Variants in ZPBP observed in about 807,000 individuals in gnomAD.
ZPBP encodes the protein zona pellucida-binding protein 1.
In ZPBP, 26 loss-of-function variants were observed where a neutral mutation model predicts 44.8. The observed-to-expected ratio is 0.58, with a 90% CI of 0.43 to 0.81. The LOEUF (loss-of-function observed/expected upper bound fraction) is 0.81. Among genes scored for constraint, ZPBP ranks in the 30% least tolerant of loss-of-function variants. The probability of loss-of-function intolerance (pLI) is 0.00; values close to 1 mark genes in which losing one functional copy is unlikely to be tolerated. For missense variants in ZPBP, 409 were observed against 434.0 expected (o/e 0.94, Z 0.51); for synonymous variants, 174 against 153.2 (o/e 1.14, Z -1.00).
intron 6 of ZPBP, among the ~76,000 whole-genome samples, chr7:49,991,722 C>A (rs1277440905): frequency 6.6e-6 from 1 of 151,720 alleles, no homozygotes; most frequent in Non-Finnish European, 1.5e-5. Flanking sequence ...ATATTTCTCA[C>A]TGAAAAAAGC....
chr7:50,051,256 T>A (rs559167574), intron 4 of ZPBP, among the ~76,000 whole-genome samples: 1 of 152,274 alleles, frequency 6.6e-6, no homozygotes, highest in African/African-American at 2.4e-5. Context: ...CCAGTCAGAA[T>A]GGCAATTATT....
At chr7:50,050,040 A>C (rs1211342205) in intron 4 of ZPBP, among the ~76,000 whole-genome samples, 2 of 151,960 alleles carry the variant, frequency 1.3e-5, no homozygotes, top group Non-Finnish European at 2.9e-5. Context: ...ATTCTAAAAA[A>C]TCAAAATAAC....
At chr7:49,979,706 T>C (rs894253951) in intron 7 of ZPBP, among the ~76,000 whole-genome samples, 32 of 149,624 alleles carry the variant, frequency 2.1e-4, no homozygotes, top group African/African-American at 7.3e-4. Context: ...ACAATTTTAG[T>C]TTAAGTCTTC....
downstream of ZPBP, among the ~76,000 whole-genome samples, chr7:49,848,667 GTTTC>G (rs1562729523): frequency 1.3e-5 from 2 of 152,162 alleles, no homozygotes; most frequent in African/African-American, 4.8e-5. Context: ...ATTGACTGTC[GTTTC>G]TCACCTCCTC....
At chr7:50,026,702 T>G (rs1429878763) in intron 5 of ZPBP, among the ~76,000 whole-genome samples, 1 of 151,772 alleles carries the variant, frequency 6.6e-6, no homozygotes, top group African/African-American at 2.4e-5. Context: ...TCCCTAAATT[T>G]CTATGGCTAC....
intron 1 of ZPBP, chr7:49,920,661 T>C (rs752338945): frequency 6.6e-6 from 1 of 152,224 alleles, no homozygotes; most frequent in African/African-American, 2.4e-5. Context: ...TATTTGCACA[T>C]AGCTATAAAT....
chr7:49,892,185 C>T (rs571762761), intron 2 of ZPBP, among the ~76,000 whole-genome samples: 1 of 151,338 alleles, frequency 6.6e-6, no homozygotes, highest in South Asian at 2.1e-4. Context: ...GCTGGGACTA[C>T]AGGCGCCCAC....
chr7:50,043,405 C>T (rs2128819273), intron 4 of ZPBP, among the ~76,000 whole-genome samples: 1 of 152,242 alleles, frequency 6.6e-6, no homozygotes, highest in African/African-American at 2.4e-5. Flanking sequence ...TCTCGACACC[C>T]ATTGGTGTGC....
chr7:49,970,856 TAATAAATAAATA>T (rs148724446), intron 7 of ZPBP, among the ~76,000 whole-genome samples: 6,285 of 142,550 alleles, frequency 0.044, 271 homozygotes, highest in African/African-American at 0.12. Context: ...CTCTACAAAA[TAATAAATAAATA>T]AATAAATAAA....
chr7:50,002,191 A>C (rs1798129334), intron 6 of ZPBP, among the ~76,000 whole-genome samples: 1 of 152,162 alleles, frequency 6.6e-6, no homozygotes, highest in Non-Finnish European at 1.5e-5. Flanking sequence ...TGAGGAGCCA[A>C]ATTACGTCTT....
chr7:49,864,063 G>T (rs1406383560), intron 2 of ZPBP, among the ~76,000 whole-genome samples: 1 of 151,914 alleles, frequency 6.6e-6, no homozygotes, highest in East Asian at 1.9e-4. Flanking sequence ...TCTTCCAGAG[G>T]TCTCCTGTTT....
chr7:50,031,933 G>A (rs1176813936), intron 4 of ZPBP, among the ~76,000 whole-genome samples: 2 of 151,916 alleles, frequency 1.3e-5, no homozygotes, highest in Non-Finnish European at 2.9e-5. Context: ...AATACCAAAA[G>A]TCAGAAAAGT....
rs371038494 is a variant in ZPBP, at chr7:50,075,017, G to T, written c.334+6757C>A. ...ATTCTCAAGGATAGACCATATATTAGGTCACAAAACAAGCCTTAAAACACT... is the reference window on the plus strand; with the variant it reads ...ATTCTCAAGGATAGACCATATATTATGTCACAAAACAAGCCTTAAAACACT... On this transcript the variant is annotated intron_variant, in intron 3 of 7. Transcript: ENST00000046087. Among the ~76,000 whole-genome samples, 21 of 151,590 alleles carry T rather than the reference G, an allele frequency of 1.4e-4. No homozygotes were observed. The East Asian group carries it at 2.1e-3, about 15-fold the overall frequency.
chr7:49,865,208 G>A (rs1429087776), intron 2 of ZPBP, among the ~76,000 whole-genome samples: 6 of 152,170 alleles, frequency 3.9e-5, no homozygotes, highest in Admixed American at 3.9e-4. Context: ...TTGTTTGTGT[G>A]GTCCGTGGGG....
At chr7:50,027,123 G>A (rs2128809816) in intron 5 of ZPBP, among the ~76,000 whole-genome samples, 1 of 124,168 alleles carries the variant, frequency 8.1e-6, no homozygotes, top group African/African-American at 3.1e-5. Flanking sequence ...GAATATGTAA[G>A]ACCCTATTGT....
In ZPBP at chr7:49,961,646, T is replaced by C. The variant is rs1036950388; in HGVS notation, c.961+21696A>G. On this transcript the variant is annotated intron_variant, in intron 7 of 7. Coordinates refer to ENST00000046087, the MANE Select transcript of ZPBP (RefSeq NM_007009.3). ...GTTGTAGAAGTTACTTAAGGCAAAATATCATTTATTTTGTGGTTATCATGC... is the reference window on the plus strand; with the variant it reads ...GTTGTAGAAGTTACTTAAGGCAAAACATCATTTATTTTGTGGTTATCATGC... Among the ~76,000 whole-genome samples, 4 of 152,204 alleles carry C rather than the reference T, an allele frequency of 2.6e-5. No homozygotes were observed. In the East Asian group the frequency reaches 7.7e-4, roughly 29 times the overall value.
intron 2 of ZPBP, among the ~76,000 whole-genome samples, chr7:49,881,257 T>C (rs1344968605): frequency 1.3e-5 from 2 of 152,272 alleles, no homozygotes; most frequent in East Asian, 3.9e-4. Flanking sequence ...CCAGTTCTTT[T>C]GTTCCATTTG....
intron 3 of ZPBP, among the ~76,000 whole-genome samples, chr7:50,070,369 C>G (rs1464592651): frequency 1.3e-5 from 2 of 152,204 alleles, no homozygotes; most frequent in African/African-American, 4.8e-5. Context: ...CTCCTTACTT[C>G]AGTTCCTGAA....
intron 5 of ZPBP, among the ~76,000 whole-genome samples, chr7:50,025,414 T>G (rs888666727): frequency 6.6e-6 from 1 of 151,880 alleles, no homozygotes. Flanking sequence ...CAAGATAGTA[T>G]AGTACTGATG....
Sources: gnomAD v4.1 joint callset for allele counts (sites outside exome capture counted in the v4.1 genomes callset) on GRCh38, gnomAD v4.1.1 for gene constraint, MANE v1.5 for transcripts, NCBI Gene and HGNC (gene_info 2026-07-23, HGNC 2026-07-21) for gene names.